SH3RF2: variants seen among roughly 807,000 people sequenced by gnomAD.
The protein encoded by SH3RF2 is E3 ubiquitin-protein ligase SH3RF2.
SH3RF2 carries 43 observed loss-of-function variants against 59.0 expected under a neutral mutation model. The observed-to-expected ratio is 0.73, with a 90% CI of 0.57 to 0.94. The LOEUF is 0.94. Among genes scored for constraint, SH3RF2 ranks in the 40% least tolerant of loss-of-function variants. The pLI is 0.00. For synonymous variants in SH3RF2, 391 were observed against 391.5 expected (o/e 1.00, Z 0.01); for missense variants, 930 against 940.1 (o/e 0.99, Z 0.14).
chr5:146,010,361 C>A (rs1419353998), intron 4 of SH3RF2, among the ~76,000 whole-genome samples: 1 of 152,138 alleles, frequency 6.6e-6, no homozygotes, highest in East Asian at 1.9e-4. Flanking sequence ...GTCTTCATAG[C>A]AGCATGATTT....
intron 2 of SH3RF2, among the ~76,000 whole-genome samples, chr5:145,963,297 T>G (rs1758709208): frequency 1.3e-5 from 2 of 151,982 alleles, no homozygotes; most frequent in African/African-American, 4.8e-5. Flanking sequence ...GATTAATAAC[T>G]ATACATTTAT....
intron 2 of SH3RF2, among the ~76,000 whole-genome samples, chr5:145,956,978 C>T (rs755933869): frequency 5.3e-5 from 8 of 152,210 alleles, no homozygotes; most frequent in Non-Finnish European, 7.3e-5. Context: ...CTCTTCATAA[C>T]TATCAGGCAG....
At chr5:146,001,789 G>A (rs1460448290) in intron 3 of SH3RF2, among the ~76,000 whole-genome samples, 1 of 152,076 alleles carries the variant, frequency 6.6e-6, no homozygotes, top group Non-Finnish European at 1.5e-5. Context: ...GCAATCTAGT[G>A]GAAGAAACAG....
intron 2 of SH3RF2, among the ~76,000 whole-genome samples, chr5:145,973,230 A>G (rs928757899): frequency 2.0e-5 from 3 of 152,250 alleles, no homozygotes; most frequent in African/African-American, 7.2e-5. Flanking sequence ...AGAGGCAGAA[A>G]GGGAAACAAT....
At chr5:145,958,709 A>C (rs1278114785) in intron 2 of SH3RF2, among the ~76,000 whole-genome samples, 1 of 152,014 alleles carries the variant, frequency 6.6e-6, no homozygotes, top group African/African-American at 2.4e-5. Context: ...CAAGGACCAA[A>C]CTCCAGGTTT....
intron 9 of SH3RF2, among the ~76,000 whole-genome samples, chr5:146,068,493 C>A (rs141254961): frequency 0.011 from 1,611 of 152,334 alleles, 19 homozygotes; most frequent in Non-Finnish European, 0.016. Flanking sequence ...AGTACTAGCA[C>A]TTCCAGAAAC....
chr5:145,945,856 T>C (rs980211102), intron 2 of SH3RF2, among the ~76,000 whole-genome samples: 2 of 152,150 alleles, frequency 1.3e-5, no homozygotes, highest in African/African-American at 4.8e-5. Context: ...CAGCAACTTC[T>C]TGGATTCAGT....
chr5:145,965,634 G>A (rs1272576228), intron 2 of SH3RF2, among the ~76,000 whole-genome samples: 1 of 152,168 alleles, frequency 6.6e-6, no homozygotes, highest in Non-Finnish European at 1.5e-5. Flanking sequence ...GGTAATTGGT[G>A]TTTACACTCA....
intron 5 of SH3RF2, among the ~76,000 whole-genome samples, chr5:146,044,712 T>A (rs1048690197): frequency 1.3e-5 from 2 of 152,180 alleles, no homozygotes; most frequent in Non-Finnish European, 2.9e-5. Flanking sequence ...GTCCCAGTTT[T>A]ACCCTATGCC....
intron 6 of SH3RF2, among the ~76,000 whole-genome samples, chr5:146,048,187 C>T (rs1762373979): frequency 2.6e-5 from 4 of 151,994 alleles, no homozygotes; most frequent in Admixed American, 2.6e-4. Context: ...TGGTTGTGCA[C>T]ATATATTTTC....
chr5:145,948,843 G>T, intron 2 of SH3RF2, among the ~76,000 whole-genome samples: 1 of 152,322 alleles, frequency 6.6e-6, no homozygotes, highest in East Asian at 1.9e-4. Flanking sequence ...ACTGTACAGT[G>T]CTGTCTGTTC....
At chr5:146,029,392 C>A (rs1022768875) in intron 5 of SH3RF2, among the ~76,000 whole-genome samples, 1 of 152,146 alleles carries the variant, frequency 6.6e-6, no homozygotes, top group African/African-American at 2.4e-5. Flanking sequence ...GGGACAGCAA[C>A]CAGACTCAGT....
intron 3 of SH3RF2, among the ~76,000 whole-genome samples, chr5:146,002,469 A>AAAGGAAGGAAGGAAGGAAGG (rs368645230): frequency 4.8e-4 from 47 of 97,568 alleles, no homozygotes; most frequent in South Asian, 1.9e-3. Flanking sequence ...AAAAGAAAGA[A>AAAGGAAGGAAGGAAGGAAGG]AAGGAAGGAA....
intron 9 of SH3RF2, among the ~76,000 whole-genome samples, chr5:146,061,174 A>C (rs550241818): frequency 6.6e-6 from 1 of 152,312 alleles, no homozygotes; most frequent in African/African-American, 2.4e-5. Flanking sequence ...TAATCCTGAC[A>C]ACAACCCTCT....
chr5:145,967,132 A>G (rs1056048564), intron 2 of SH3RF2, among the ~76,000 whole-genome samples: 4 of 152,232 alleles, frequency 2.6e-5, no homozygotes, highest in Admixed American at 2.0e-4. Flanking sequence ...CATCCTATTG[A>G]AACAATGATA....
chr5:146,032,955 T>G (rs906079977), intron 5 of SH3RF2, among the ~76,000 whole-genome samples: 6 of 152,162 alleles, frequency 3.9e-5, no homozygotes, highest in African/African-American at 1.4e-4. Context: ...CTCCAAAATA[T>G]ACACACGGAC....
At chr5:146,040,464 G>A (rs1225425494) in intron 5 of SH3RF2, among the ~76,000 whole-genome samples, 1 of 152,126 alleles carries the variant, frequency 6.6e-6, no homozygotes, top group African/African-American at 2.4e-5. Context: ...AAAGAGCTAA[G>A]AAAAGACCCC....
At chr5:146,064,748 AAGG>A (rs1422423380), downstream of SH3RF2, among the ~76,000 whole-genome samples, 7 of 6,358 alleles carry the variant, frequency 1.1e-3, no homozygotes, top group South Asian at 0.057. Context: ...GGAAGGAAGG[AAGG>A]AAGGAAGGAA....
At chr5:146,003,418 G>A (rs913821222) in intron 3 of SH3RF2, among the ~76,000 whole-genome samples, 22 of 152,072 alleles carry the variant, frequency 1.4e-4, no homozygotes, top group Non-Finnish European at 2.9e-5. Flanking sequence ...GTATGTTTTT[G>A]GAAAAGTTTT....
Sources: allele counts gnomAD v4.1 joint callset (sites outside exome capture counted in the v4.1 genomes callset), GRCh38; gene constraint gnomAD v4.1.1; transcripts MANE v1.5; gene names NCBI Gene and HGNC (gene_info 2026-07-23, HGNC 2026-07-21).